Variants in BRD4 observed in about 807,000 individuals in gnomAD.
BRD4 encodes bromodomain containing 4.
BRD4 carries 16 observed loss-of-function variants against 142.1 expected under a neutral mutation model. The observed-to-expected ratio is 0.11, with a 90% confidence interval of 0.08 to 0.17. The LOEUF (loss-of-function observed/expected upper bound fraction) is 0.17, where lower values mean the gene tolerates loss of function less well. Ranked by LOEUF, BRD4 falls within the 10% of genes least tolerant of loss-of-function variation. BRD4 has a pLI of 1.00. For synonymous variants in BRD4, 833 were observed against 707.5 expected, an observed-to-expected ratio of 1.18 and a Z score of -2.82; for missense variants, 1,424 against 1,810.9, an observed-to-expected ratio of 0.79 and a Z score of 3.88.
In BRD4 at chr19:15,238,609, C is replaced by T; in HGVS notation, c.4020+134G>A. 6.8e-7 allele frequency: 1 copy of T among 1,467,722 alleles called. No homozygotes were observed. The highest frequency in any genetic ancestry group is 1.4e-5 in the South Asian group (1 of 70,382). The allele number at this position is 1,467,722 out of a possible 1,614,324, so 90.9% of individuals were successfully genotyped here. ...GCACTCAGGGCCCTACAGCTGAGTC[C>T]AGAGGACCACATGCCGACCAGCAGG... On this transcript the variant is annotated intron_variant, in intron 19 of 19. Transcript: ENST00000679869. The surrounding 1 kb of genome is among the most constrained non-coding windows in gnomAD (Gnocchi z 7.2).
Position 15,239,957 on chromosome 19 carries a change from G to A in BRD4, c.3235C>T (p.Leu1079=). The part of the protein sequence containing the change: ...HSPQMSQFQS[L]THQSPPQQNV... ...TGCTGGGGTGGAGACTGGTGGGTCAGGCTCTGGAACTGTGACATCTGGGGG... is the reference window on the plus strand; with the variant it reads ...TGCTGGGGTGGAGACTGGTGGGTCAAGCTCTGGAACTGTGACATCTGGGGG... The change falls in exon 15 of 20, where the codon CTG becomes TTG. Residue 1079 remains leucine, a synonymous_variant. Coordinates refer to ENST00000679869, the MANE Select transcript of BRD4 (RefSeq NM_001379291.1). This position sits in a 1 kb window ranked among gnomAD's most constrained non-coding sequence, Gnocchi z 7.4. 3.1e-6 allele frequency: 5 copies of A among 1,614,060 alleles called. No individual in the cohort carries two copies. In the South Asian group the frequency reaches 3.3e-5, roughly 11 times the overall value.
intron 1 of BRD4, among the ~76,000 whole-genome samples, chr19:15,278,488 TTG>T (rs2047673516): frequency 6.9e-6 from 1 of 145,416 alleles, no homozygotes; most frequent in Non-Finnish European, 1.5e-5. Context: ...TGAGCAGAGA[TTG>T]TGCCACTGTA....
chr19:15,282,253 G>A (rs2047710324), intron 1 of BRD4, among the ~76,000 whole-genome samples: 1 of 152,192 alleles, frequency 6.6e-6, no homozygotes, highest in Non-Finnish European at 1.5e-5. Context: ...TGGCCTGCAG[G>A]CCATAGTTTG....
chr19:15,253,608 G>T (rs766756904), intron 11 of BRD4: 24 of 1,594,208 alleles, frequency 1.5e-5, no homozygotes, highest in Non-Finnish European at 2.0e-5. Context: ...GGTAGGCAAT[G>T]GCTGGGGCCC....
At chr19:15,291,950 A>T (rs1458068026) in intron 1 of BRD4, among the ~76,000 whole-genome samples, 1 of 152,192 alleles carries the variant, frequency 6.6e-6, no homozygotes, top group Non-Finnish European at 1.5e-5. Flanking sequence ...GCAGGTTATG[A>T]TGTCAGCAAT....
chr19:15,243,583 T>G (rs1334630329), intron 13 of BRD4, 96 bp from the exon 14 acceptor site: 64 of 1,413,650 alleles, frequency 4.5e-5, no homozygotes, highest in Non-Finnish European at 1.1e-5. Flanking sequence ...ACTCCAGTGC[T>G]CTCCTACTGG....
At chr19:15,254,811 A>G (rs891426356) in intron 10 of BRD4, among the ~76,000 whole-genome samples, 4 of 152,112 alleles carry the variant, frequency 2.6e-5, no homozygotes, top group African/African-American at 9.7e-5. Context: ...CGATCCTCAG[A>G]GGAAAGCCGT....
At position 15,265,362 on chromosome 19, in the gene BRD4, G is replaced by A. The variant is rs1389816494; in HGVS notation, c.841C>T (p.Pro281Ser). The change falls in exon 5 of 20, where the codon CCT becomes TCT. Residue 281 changes from proline (P) to serine (S), a missense_variant. Physicochemically the swap from Pro to Ser is moderately conservative, Grantham distance 74. Around this residue, in one of 16 missense-constraint regions of BRD4, gnomAD observed 140 missense variants for 131.7 expected, o/e 1.06. Transcript: ENST00000679869. ...GAGTCCAGGAGACTCACCTTCACAGGCTGTGGGGTGGCCGCGATGATGGGT... is the reference window on the plus strand; with the variant it reads ...GAGTCCAGGAGACTCACCTTCACAGACTGTGGGGTGGCCGCGATGATGGGT... ...HPPIIAATPQ[P>S]VKTKKGVKRK... The A allele has an allele frequency of 6.6e-7, 1 of 1,512,540 alleles. No individual in the cohort carries two copies. Among genetic ancestry groups the A allele is most frequent in the African/African-American group, 1.4e-5 (1 of 71,864 alleles). 93.7% of individuals were successfully genotyped at this position (1,512,540 alleles called of 1,614,324 possible). A position where few individuals can be genotyped will look rare whatever the true frequency, so the allele number is the denominator to read the frequency against.
rs978302148 is a variant in BRD4 at position 15,332,518 on chromosome 19, C to CCGT, written c.-264_-263insACG. ...AACAGCCCAGCCGCCGCCGCCGCCG[C>CCGT]CGCCGCCGCCGCCAGCGCACTGACG... is the stretch of plus-strand genomic sequence containing the variant. On this transcript the variant is annotated 5_prime_UTR_variant, in exon 1 of 20. Transcript: ENST00000679869. The CCGT allele has an allele frequency of 2.4e-5, 4 of 163,778 alleles. No individual in the cohort carries two copies. The highest frequency in any genetic ancestry group is 4.9e-5 in the Non-Finnish European group (4 of 81,268). 10.1% of individuals were successfully genotyped at this position (163,778 alleles called of 1,614,324 possible).
chr19:15,285,452 C>T (rs1005198428), intron 1 of BRD4, among the ~76,000 whole-genome samples: 17 of 152,134 alleles, frequency 1.1e-4, no homozygotes, highest in Non-Finnish European at 7.4e-5. Flanking sequence ...CCAGCTCCAG[C>T]TACTTGGGAG....
intron 1 of BRD4, among the ~76,000 whole-genome samples, chr19:15,309,556 T>C (rs1230686896): frequency 6.6e-6 from 1 of 152,098 alleles, no homozygotes; most frequent in Non-Finnish European, 1.5e-5. Flanking sequence ...CAGAAATTCC[T>C]CCCCTACGCA....
At chr19:15,309,059 G>A (rs139034259) in intron 1 of BRD4, among the ~76,000 whole-genome samples, 5 of 151,500 alleles carry the variant, frequency 3.3e-5, no homozygotes, top group African/African-American at 7.3e-5. Context: ...CTTTAGGGCC[G>A]GGTGCGGTGG....
intron 1 of BRD4, among the ~76,000 whole-genome samples, chr19:15,327,941 C>T (rs1265107915): frequency 2.3e-5 from 3 of 128,792 alleles, no homozygotes; most frequent in East Asian, 2.4e-4. Context: ...TGGAAATGTC[C>T]TAAAATTGGT....
chr19:15,251,438 CGGGGGGGGGGGG>C (rs1197390019), intron 11 of BRD4, among the ~76,000 whole-genome samples: 1 of 7,082 alleles, frequency 1.4e-4, no homozygotes, highest in Non-Finnish European at 2.5e-4. Context: ...AACACAAGAA[CGGGGGGGGGGGG>C]GGGGGCGGGG....
chr19:15,274,514 TGATGCTGCGCACC>T (rs1469260493), intron 1 of BRD4, among the ~76,000 whole-genome samples: 1 of 152,206 alleles, frequency 6.6e-6, no homozygotes, highest in African/African-American at 2.4e-5. Flanking sequence ...AACATATAGC[TGATGCTGCGCACC>T]AAGCACACGC....
At chr19:15,258,603 TTCTTC>T in intron 7 of BRD4, among the ~76,000 whole-genome samples, 1 of 151,850 alleles carries the variant, frequency 6.6e-6, no homozygotes, top group Non-Finnish European at 1.5e-5. Flanking sequence ...TTTTCTTTCT[TTCTTC>T]TTCTTCTTCT....
rs2047381325 is a variant in BRD4 at position 15,254,214 on chromosome 19, G to A, written c.2096C>T (p.Ser699Leu). The A allele has an allele frequency of 6.2e-6, 10 of 1,614,220 alleles. No individual in the cohort carries two copies. Among genetic ancestry groups the A allele is most frequent in the East Asian group, 4.5e-5 (2 of 44,882 alleles). ...ACTGGAGCTCTCCGACTCTGAGGAC[G>A]AGAAGCCCTTCATCTTGGAGGAGCC... ...IAGSSKMKGF[S>L]SSESESSSES... The change falls in exon 11 of 20, where the codon TCG (serine) becomes TTG (leucine). Residue 699 changes from serine (S) to leucine (L), a missense_variant. By Grantham distance (145) the Ser-to-Leu change is moderately radical (BLOSUM62 -2). This residue lies in a region of BRD4 where 598 missense variants were observed against 647.8 expected (regional missense o/e 0.92). Coordinates refer to ENST00000679869, the MANE Select transcript of BRD4 (RefSeq NM_001379291.1).
At position 15,280,428 on chromosome 19, in the gene BRD4, T is replaced by C. The variant is rs970443233; in HGVS notation, c.-34-7295A>G. 3.0e-6 allele frequency: 3 copies of C among 1,014,378 alleles called. No individual in the cohort carries two copies. In the African/African-American group the frequency reaches 5.2e-5, roughly 17 times the overall value. The allele number at this position is 1,014,378 out of a possible 1,614,324, so 62.8% of individuals were successfully genotyped here. ...CATAAGCTGGGTCTTAAGTCAGACT[T>C]CTAGCAGTAGTATTCCAAAGAATTT... On this transcript the variant is annotated intron_variant, in intron 1 of 19. Transcript: ENST00000679869.
chr19:15,327,931 T>TG (rs1286219098), intron 1 of BRD4, among the ~76,000 whole-genome samples: 1 of 43,478 alleles, frequency 2.3e-5, no homozygotes, highest in Non-Finnish European at 4.0e-5. Flanking sequence ...GGGGGGGGGG[T>TG]GGAAATGTCC....
Sources: gnomAD v4.1 joint callset for allele counts (sites outside exome capture counted in the v4.1 genomes callset) on GRCh38, gnomAD v4.1.1 for gene constraint, gnomAD v4.1.1 regional missense constraint, Gnocchi (gnomAD v3.1) non-coding constraint, MANE v1.5 for transcripts, NCBI Gene and HGNC (gene_info 2026-07-23, HGNC 2026-07-21) for gene names.